The following GBE1 variants were observed in gnomAD, a reference collection of about 807,000 sequenced individuals.
GBE1 encodes 1,4-alpha-glucan branching enzyme 1, also known as 1,4-alpha-glucan-branching enzyme.
GBE1 carries 70 observed loss-of-function variants against 88.8 expected under a neutral mutation model. The ratio of observed to expected loss-of-function variants is 0.79; its 90% CI spans 0.65 to 0.96. The LOEUF is 0.96. Among genes scored for constraint, GBE1 ranks in the 40% least tolerant of loss-of-function variants. The probability of loss-of-function intolerance (pLI) is 0.00; values close to 1 mark genes in which losing one functional copy is unlikely to be tolerated. For synonymous variants in GBE1, 284 were observed against 300.1 expected, an observed-to-expected ratio of 0.95 and a Z score of 0.56; for missense variants, 872 against 871.0, an observed-to-expected ratio of 1.00 and a Z score of -0.01.
At chr3:81,581,318 T>A (rs563909895) in intron 10 of GBE1, 43 bp from the exon 11 acceptor site, 1 of 1,069,800 alleles carries the variant, frequency 9.3e-7, no homozygotes, top group African/African-American at 1.6e-5. Context: ...TAAAGCATTA[T>A]TTTTCTTATT....
rs114239374 is a variant in GBE1, at chr3:81,724,590, G to A, written c.144-18977C>T. ...AAGTATTCCAAAATTTCTATTTCCC[G>A]TTTCCACAGCTCCTTTACATCATTC... On this transcript the variant is annotated intron_variant, in intron 1 of 15. Coordinates refer to ENST00000429644, the MANE Select transcript of GBE1 (RefSeq NM_000158.4). Among the ~76,000 whole-genome samples the A allele has an allele frequency of 4.3e-3, 649 of 152,084 alleles. 10 individuals carry two copies. The highest frequency in any genetic ancestry group is 0.014 in the Middle Eastern group (4 of 292).
At chr3:81,614,840 G>C (rs1023533105) in intron 7 of GBE1, among the ~76,000 whole-genome samples, 1 of 151,950 alleles carries the variant, frequency 6.6e-6, no homozygotes, top group Non-Finnish European at 1.5e-5. Context: ...CAGCCTGGGA[G>C]ACAGAGTGAC....
intron 5 of GBE1, among the ~76,000 whole-genome samples, 178 bp downstream of exon 5, chr3:81,648,678 A>G (rs1576184557): frequency 1.3e-5 from 2 of 152,170 alleles, no homozygotes; most frequent in East Asian, 3.9e-4. Flanking sequence ...ATCTTATTCC[A>G]TTTCTCCTTT....
intron 7 of GBE1, among the ~76,000 whole-genome samples, chr3:81,619,386 G>A (rs2107009440): frequency 6.6e-6 from 1 of 152,140 alleles, no homozygotes; most frequent in South Asian, 2.1e-4. Context: ...ATCTATCCAT[G>A]TTGAAATTAG....
At chr3:81,660,445 C>T (rs1294387045) in intron 3 of GBE1, among the ~76,000 whole-genome samples, 3 of 152,148 alleles carry the variant, frequency 2.0e-5, no homozygotes, top group African/African-American at 7.2e-5. Flanking sequence ...AATGTGACAA[C>T]TCCTCTGGAA....
chr3:81,741,846 AATAT>A (rs976700554), intron 1 of GBE1, among the ~76,000 whole-genome samples: 3 of 147,782 alleles, frequency 2.0e-5, no homozygotes, highest in African/African-American at 4.9e-5. Flanking sequence ...GATTATATAT[AATAT>A]ATAGTTTTTT....
intron 1 of GBE1, among the ~76,000 whole-genome samples, chr3:81,741,796 T>C (rs1231702698): frequency 6.7e-6 from 1 of 148,420 alleles, no homozygotes; most frequent in Non-Finnish European, 1.5e-5. Flanking sequence ...ATATAGAGTA[T>C]TATACTCTAC....
At chr3:81,643,549 CT>C (rs1332514866) in intron 6 of GBE1, among the ~76,000 whole-genome samples, 2 of 152,094 alleles carry the variant, frequency 1.3e-5, no homozygotes, top group African/African-American at 4.8e-5. Flanking sequence ...AAGGTACCCC[CT>C]AGTCTGAATG....
At chr3:81,681,558 T>C (rs368506845) in intron 2 of GBE1, among the ~76,000 whole-genome samples, 4 of 152,200 alleles carry the variant, frequency 2.6e-5, no homozygotes, top group Admixed American at 2.6e-4. Flanking sequence ...TAGCCACTTA[T>C]GAAAATATAC....
chr3:81,627,431 A>G (rs981917647), intron 7 of GBE1, among the ~76,000 whole-genome samples: 1 of 152,198 alleles, frequency 6.6e-6, no homozygotes, highest in Admixed American at 6.5e-5. Flanking sequence ...AAACTATGAT[A>G]ATAATGCAAT....
Position 81,593,765 on chromosome 3 carries a change from TATA to T in GBE1, c.1108+140_1108+142del. The T allele has an allele frequency of 1.0e-5, 6 of 572,784 alleles. No individual in the cohort carries two copies. In the South Asian group the frequency reaches 1.5e-4, roughly 14 times the overall value. The allele number at this position is 572,784 out of a possible 1,614,324, so 35.5% of individuals were successfully genotyped here. On this transcript the variant is annotated intron_variant, in intron 8 of 15. Transcript: ENST00000429644. Reference sequence around the variant, plus strand: ...CTTTTGTTTACTTATAAAATGTACTTATAATCTACCTTTTGCCAAAATGGGATA... The same window carrying T: ...CTTTTGTTTACTTATAAAATGTACTTATCTACCTTTTGCCAAAATGGGATA...
Position 81,670,935 on chromosome 3 carries a change from G to T in GBE1, c.332C>A (p.Ser111Ter). Reference sequence around the variant, plus strand: ...ATAATCCAGTTTTTTGTATGGGTACGAAAATGGATTCCAACCATCTAAAAA... The same window carrying T: ...ATAATCCAGTTTTTTGTATGGGTACTAAAATGGATTCCAACCATCTAAAAA... ...TGDFNGWNPF[S>*]YPYKKLDYGK... Residue 111 changes from serine (S) to a stop codon, truncating the protein, a stop_gained, in exon 3 of 16, where the codon TCG (serine) becomes TAG (stop). Coordinates refer to ENST00000429644, the MANE Select transcript of GBE1 (RefSeq NM_000158.4). LOFTEE classifies it high-confidence loss of function. 1 of 1,552,840 alleles carries T rather than the reference G, an allele frequency of 6.4e-7. No individual in the cohort carries two copies. Among genetic ancestry groups the T allele is most frequent in the Non-Finnish European group, 8.7e-7 (1 of 1,146,346 alleles).
intron 1 of GBE1, among the ~76,000 whole-genome samples, chr3:81,752,034 G>A (rs1008686722): frequency 1.3e-5 from 2 of 152,104 alleles, no homozygotes; most frequent in African/African-American, 2.4e-5. Flanking sequence ...CATATTTTGG[G>A]TTGTAGAACT....
intron 10 of GBE1, among the ~76,000 whole-genome samples, chr3:81,583,423 T>G (rs546998457): frequency 1.2e-4 from 18 of 152,258 alleles, no homozygotes; most frequent in African/African-American, 4.3e-4. Context: ...AGTACACACA[T>G]GTATACAGTA....
intron 2 of GBE1, among the ~76,000 whole-genome samples, chr3:81,700,862 T>C (rs1419342995): frequency 1.3e-5 from 2 of 152,170 alleles, no homozygotes; most frequent in Non-Finnish European, 2.9e-5. Flanking sequence ...TTTAGGTTAT[T>C]TGAAAGGTGC....
At chr3:81,565,818 A>C (rs1212184509) in intron 12 of GBE1, among the ~76,000 whole-genome samples, 7 of 152,200 alleles carry the variant, frequency 4.6e-5, no homozygotes, top group Non-Finnish European at 1.5e-5. Flanking sequence ...GATGACCTAC[A>C]TTATAAACAA....
chr3:81,665,419 C>T (rs1705100137), intron 3 of GBE1, among the ~76,000 whole-genome samples: 1 of 151,858 alleles, frequency 6.6e-6, no homozygotes, highest in Non-Finnish European at 1.5e-5. Context: ...GCCTGTAGTC[C>T]CAGCTGCTCG....
At chr3:81,539,983 C>A (rs760761118) in intron 12 of GBE1, among the ~76,000 whole-genome samples, 3 of 151,606 alleles carry the variant, frequency 2.0e-5, no homozygotes, top group African/African-American at 7.3e-5. Context: ...AGAGAAAAAA[C>A]GCCATGGCCA....
intron 3 of GBE1, among the ~76,000 whole-genome samples, chr3:81,659,316 T>C (rs1375863312): frequency 6.6e-6 from 1 of 151,928 alleles, no homozygotes; most frequent in Non-Finnish European, 1.5e-5. Flanking sequence ...ATATGATTCC[T>C]AAGCAATCAT....
Sources: gnomAD v4.1 joint callset for allele counts (sites outside exome capture counted in the v4.1 genomes callset) on GRCh38, gnomAD v4.1.1 for gene constraint, MANE v1.5 for transcripts, NCBI Gene and HGNC (gene_info 2026-07-23, HGNC 2026-07-21) for gene names.